FRAS1: variants seen among roughly 807,000 people sequenced by gnomAD.
FRAS1 encodes the protein Fraser extracellular matrix complex subunit 1.
FRAS1 carries 290 observed loss-of-function variants against 435.2 expected under a neutral mutation model. The ratio of observed to expected loss-of-function variants is 0.67; its 90% CI spans 0.61 to 0.73. The LOEUF (loss-of-function observed/expected upper bound fraction) is 0.73, where lower values mean the gene tolerates loss of function less well. Among genes scored for constraint, FRAS1 ranks in the 30% least tolerant of loss-of-function variants. The pLI is 0.00. For missense variants in FRAS1, 4,860 were observed against 5,001.5 expected, an observed-to-expected ratio of 0.97 and a Z score of 0.85; for synonymous variants, 1,800 against 1,851.0, an observed-to-expected ratio of 0.97 and a Z score of 0.71.
intron 2 of FRAS1, among the ~76,000 whole-genome samples, chr4:78,235,087 C>T (rs1724691125): frequency 6.6e-6 from 1 of 152,140 alleles, no homozygotes; most frequent in African/African-American, 2.4e-5. Context: ...GGCTGAATTC[C>T]CTTTTTTTCC....
At chr4:78,309,823 G>T (rs748362419) in intron 15 of FRAS1, among the ~76,000 whole-genome samples, 1 of 152,142 alleles carries the variant, frequency 6.6e-6, no homozygotes, top group Non-Finnish European at 1.5e-5. Context: ...AGTTTACTTT[G>T]ATGGTCATAC....
intron 4 of FRAS1, among the ~76,000 whole-genome samples, chr4:78,250,569 A>G (rs181753832): frequency 2.6e-5 from 4 of 152,350 alleles, no homozygotes; most frequent in Admixed American, 1.3e-4. Context: ...AGGCATCTAA[A>G]GAGTTTGAGT....
rs151091868 is a variant in FRAS1 at position 78,392,011 on chromosome 4, T to G, written c.3975+4310T>G. On this transcript the variant is annotated intron_variant, in intron 29 of 73. Coordinates refer to ENST00000512123, the MANE Select transcript of FRAS1 (RefSeq NM_025074.7). ...TTTTGGGGGGGTTTGATTAGCTTGT[T>G]CAATTCAGTATCTCATAAGGTGCAT... 4.0e-3 allele frequency among the ~76,000 whole-genome samples: 613 copies of G among 152,342 alleles called. 2 individuals carry two copies. Among genetic ancestry groups the G allele is most frequent in the Non-Finnish European group, 6.6e-3 (446 of 68,016 alleles).
intron 2 of FRAS1, among the ~76,000 whole-genome samples, chr4:78,201,157 G>A (rs1723036427): frequency 6.6e-6 from 1 of 152,052 alleles, no homozygotes. Flanking sequence ...CCTCCCTGGG[G>A]TCAGGGATCA....
At chr4:78,429,010 GACT>G in intron 35 of FRAS1, 82 bp from the exon 36 acceptor site, 1 of 1,427,896 alleles carries the variant, frequency 7.0e-7, no homozygotes, top group Non-Finnish European at 9.6e-7. Flanking sequence ...AAGAGGACCA[GACT>G]ACAAGTTGAT....
intron 58 of FRAS1, among the ~76,000 whole-genome samples, chr4:78,483,452 C>A (rs1720072918): frequency 6.6e-6 from 1 of 152,054 alleles, no homozygotes; most frequent in South Asian, 2.1e-4. Context: ...TCAAGTGAAA[C>A]CTTCCACCTA....
intron 10 of FRAS1, 72 bp from the exon 11 acceptor site, chr4:78,281,326 A>G: frequency 2.0e-6 from 2 of 1,005,652 alleles, no homozygotes; most frequent in Admixed American, 2.8e-5. Context: ...GATAACTCCT[A>G]ATGAAAAAAT....
chr4:78,194,444 C>T (rs1435058299), intron 2 of FRAS1, among the ~76,000 whole-genome samples: 4 of 152,202 alleles, frequency 2.6e-5, no homozygotes, highest in African/African-American at 7.2e-5. Flanking sequence ...CACATAGTCT[C>T]ATATTTCTTG....
intron 2 of FRAS1, among the ~76,000 whole-genome samples, chr4:78,100,440 T>A (rs903667140): frequency 2.0e-5 from 3 of 152,250 alleles, no homozygotes; most frequent in Non-Finnish European, 4.4e-5. Flanking sequence ...GTGTCCTCAC[T>A]GGAGAAACCA....
rs1553942978 is a variant in FRAS1, at chr4:78,312,179, C to CATATATATGTATAT, written c.1679-3407_1679-3406insGTATATATATATAT. 1.7e-4 allele frequency among the ~76,000 whole-genome samples: 22 copies of CATATATATGTATAT among 128,652 alleles called. 1 individual carries two copies. The highest frequency in any genetic ancestry group is 3.5e-3 in the Middle Eastern group (1 of 282). 84.4% of individuals were successfully genotyped at this position (128,652 alleles called of 152,430 possible). A position where few individuals can be genotyped will look rare whatever the true frequency, so the allele number is the denominator to read the frequency against. ...TTAGGTTGTCGAGCCATCTGAAGTC[C>CATATATATGTATAT]ATATATATATATATATATATGGGTT... On this transcript the variant is annotated intron_variant, in intron 15 of 73. Transcript: ENST00000512123.
rs192728694 is a variant in FRAS1, at chr4:78,418,680, G to A, written c.4426-269G>A. The stretch of plus-strand genomic sequence containing the variant: ...AAAGTAATAGCAGAATCCCAACCGC[G>A]TGCACTGGCGTAACCCTGCGGGCAG... On this transcript the variant is annotated intron_variant, in intron 32 of 73. Transcript: ENST00000512123. 1.5e-3 allele frequency among the ~76,000 whole-genome samples: 228 copies of A among 152,294 alleles called. 1 individual carries two copies. The highest frequency in any genetic ancestry group is 4.6e-3 in the African/African-American group (191 of 41,570).
chr4:78,400,643 A>T, intron 29 of FRAS1, 91 bp from the exon 30 acceptor site: 1 of 1,298,928 alleles, frequency 7.7e-7, no homozygotes, highest in Non-Finnish European at 1.1e-6. Flanking sequence ...GACGATCTTT[A>T]ACAACAACAG....
intron 2 of FRAS1, among the ~76,000 whole-genome samples, chr4:78,118,555 G>C (rs1293191345): frequency 6.6e-6 from 1 of 152,204 alleles, no homozygotes; most frequent in Non-Finnish European, 1.5e-5. Flanking sequence ...CCGCCTTGCA[G>C]TTTGATCTCA....
At chr4:78,226,362 T>C (rs950936145) in intron 2 of FRAS1, among the ~76,000 whole-genome samples, 1 of 152,166 alleles carries the variant, frequency 6.6e-6, no homozygotes. Context: ...TCCTTTAGTA[T>C]TGTTTTAGTT....
intron 28 of FRAS1, among the ~76,000 whole-genome samples, chr4:78,386,195 T>C (rs987545922): frequency 6.6e-5 from 10 of 152,232 alleles, no homozygotes; most frequent in African/African-American, 2.2e-4. Flanking sequence ...TTTATCATTT[T>C]AAGTCTTTAA....
intron 2 of FRAS1, among the ~76,000 whole-genome samples, chr4:78,127,318 A>T (rs894209101): frequency 6.6e-6 from 1 of 152,196 alleles, no homozygotes; most frequent in African/African-American, 2.4e-5. Context: ...GAAGGATTGA[A>T]GCCCTTTTAA....
rs886059637 is a variant in FRAS1, at chr4:78,499,787, C to T, written c.9182C>T (p.Ala3061Val). The T allele has an allele frequency of 3.3e-5, 53 of 1,613,776 alleles. No homozygotes were observed. Among genetic ancestry groups the T allele is most frequent in the Non-Finnish European group, 4.0e-5 (47 of 1,179,834 alleles). The change falls in exon 61 of 74, where the codon GCG becomes GTG. Residue 3061 changes from alanine (A) to valine (V), a missense_variant. Transcript: ENST00000512123. ...GAACCCGCAGGCCCAGATGCCATTG[C>T]GATTCTGAACATCAAGGTGATCCGC... ...VREPAGPDAI[A>V]ILNIKVIRRG...
At chr4:78,151,972 T>G (rs560196719) in intron 2 of FRAS1, among the ~76,000 whole-genome samples, 1 of 152,312 alleles carries the variant, frequency 6.6e-6, no homozygotes, top group South Asian at 2.1e-4. Flanking sequence ...GTGCGTGCCT[T>G]TGCTTTCTTT....
At chr4:78,385,794 A>C (rs1002232475) in intron 28 of FRAS1, among the ~76,000 whole-genome samples, 6 of 151,710 alleles carry the variant, frequency 4.0e-5, no homozygotes, top group African/African-American at 1.5e-4. Flanking sequence ...CTGAGGCAGG[A>C]GACTCGCTTG....
Sources: gnomAD v4.1 joint callset for allele counts (sites outside exome capture counted in the v4.1 genomes callset) on GRCh38, gnomAD v4.1.1 for gene constraint, MANE v1.5 for transcripts, NCBI Gene and HGNC (gene_info 2026-07-23, HGNC 2026-07-21) for gene names.